GPC3: variants seen among roughly 807,000 people sequenced by gnomAD.
GPC3 encodes the protein glypican-3.
In GPC3, 3 loss-of-function variants were observed where a neutral mutation model predicts 34.4. That is an observed-to-expected ratio of 0.09 (90% CI 0.04 to 0.23). GPC3 has a LOEUF of 0.23. GPC3 is among the 10% of genes least tolerant of loss of function. GPC3 has a pLI of 1.00. For synonymous variants in GPC3, 177 were observed against 174.0 expected (o/e 1.02, Z -0.13); for missense variants, 351 against 445.6 (o/e 0.79, Z 1.91).
At chrX:133,910,847 CTTTG>C (rs1036145465) in intron 2 of GPC3, among the ~76,000 whole-genome samples, 3 of 111,807 alleles carry the variant, frequency 2.7e-5, no homozygotes, top group Admixed American at 9.5e-5. Context: ...AGGCCTAACT[CTTTG>C]TTTGAAGGAC....
intron 2 of GPC3, among the ~76,000 whole-genome samples, chrX:133,857,049 T>C (rs2075905932): frequency 1.1e-5 from 1 of 94,849 alleles, no homozygotes; most frequent in Non-Finnish European, 2.1e-5. Context: ...ATCTACCATG[T>C]AATGTTTCTG....
Position 133,784,886 on chromosome X carries a change from G to A in GPC3, c.338-30710C>T, listed in dbSNP as rs192799948. On this transcript the variant is annotated intron_variant, in intron 2 of 7. Coordinates refer to ENST00000370818, the MANE Select transcript of GPC3 (RefSeq NM_004484.4). ...TCTCCATTTCCTCTCTTTCCTCCCC[G>A]CCGGCCCTAGGCAACCACTACTCTA... is the stretch of plus-strand genomic sequence containing the variant. Among the ~76,000 whole-genome samples, 706 of 111,585 alleles carry A rather than the reference G, an allele frequency of 6.3e-3. 5 individuals carry two copies. Among genetic ancestry groups the A allele is most frequent in the Middle Eastern group, 0.023 (5 of 216 alleles).
intron 3 of GPC3, among the ~76,000 whole-genome samples, chrX:133,702,221 G>C (rs186306774): frequency 8.9e-6 from 1 of 112,000 alleles, no homozygotes; most frequent in East Asian, 2.8e-4. Context: ...AATGAGGGCA[G>C]ACTGTGTATT....
chrX:133,659,919 T>A (rs2070701792), intron 6 of GPC3, among the ~76,000 whole-genome samples: 1 of 111,880 alleles, frequency 8.9e-6, no homozygotes, highest in Admixed American at 9.5e-5. Context: ...GTGTTTTACA[T>A]CGTTTGTGCT....
intron 7 of GPC3, among the ~76,000 whole-genome samples, chrX:133,579,449 ATGT>A (rs1190058533): frequency 4.4e-5 from 5 of 112,998 alleles, no homozygotes; most frequent in African/African-American, 1.6e-4. Context: ...CCTGACCATC[ATGT>A]TGGTAAATGC....
rs183382625 is a variant in GPC3, at chrX:133,552,070, G to A, written c.1574-15777C>T. 2.4e-3 allele frequency among the ~76,000 whole-genome samples: 270 copies of A among 112,785 alleles called. 1 individual carries two copies. The highest frequency in any genetic ancestry group is 3.8e-3 in the Non-Finnish European group (201 of 53,405). On this transcript the variant is annotated intron_variant, in intron 7 of 7. Coordinates refer to ENST00000370818, the MANE Select transcript of GPC3 (RefSeq NM_004484.4). ...GATAAAGAACTTTCTAATAATAAGT[G>A]CAATCTGGAAATTGCATAGGCTGGC...
At chrX:133,965,282 C>A (rs567550167) in intron 1 of GPC3, among the ~76,000 whole-genome samples, 1 of 110,108 alleles carries the variant, frequency 9.1e-6, no homozygotes. Context: ...GGCTAGAGAT[C>A]TTCCTCCAGC....
At chrX:133,954,177 G>A (rs890279000) in intron 1 of GPC3, among the ~76,000 whole-genome samples, 3 of 111,569 alleles carry the variant, frequency 2.7e-5, no homozygotes, top group Non-Finnish European at 5.6e-5. Flanking sequence ...GTGGGCAGGA[G>A]GGGTAGGAGG....
chrX:133,963,715 T>A (rs2076451151), intron 1 of GPC3, among the ~76,000 whole-genome samples: 1 of 112,158 alleles, frequency 8.9e-6, no homozygotes, highest in Admixed American at 9.5e-5. Context: ...GTCATTGGTA[T>A]ACCTTTCTTA....
intron 1 of GPC3, among the ~76,000 whole-genome samples, chrX:133,976,670 C>A (rs911336693): frequency 9.0e-6 from 1 of 110,659 alleles, no homozygotes; most frequent in Non-Finnish European, 1.9e-5. Context: ...GAAATCCCAG[C>A]ACTTTGGGAG....
chrX:133,719,860 A>G lies in GPC3; in HGVS notation c.1033-19832T>C, dbSNP rs144594018. Among the ~76,000 whole-genome samples, 855 of 111,761 alleles carry G rather than the reference A, an allele frequency of 7.7e-3. 6 individuals are homozygous for G. Among genetic ancestry groups the G allele is most frequent in the African/African-American group, 0.026 (800 of 30,687 alleles). On this transcript the variant is annotated intron_variant, in intron 3 of 7. Transcript: ENST00000370818. ...CCAGAATCTACAAGGAACTCGAATC[A>G]GAAAGAAAAAACAAATAGTCCCATC...
At chrX:133,570,138 G>A (rs1408340879) in intron 7 of GPC3, among the ~76,000 whole-genome samples, 2 of 111,119 alleles carry the variant, frequency 1.8e-5, no homozygotes, top group East Asian at 2.9e-4. Flanking sequence ...TGATCCATCC[G>A]CCTTGGCCTC....
intron 2 of GPC3, among the ~76,000 whole-genome samples, chrX:133,846,913 C>A (rs1159414990): frequency 1.8e-5 from 2 of 111,874 alleles, no homozygotes; most frequent in African/African-American, 6.5e-5. Context: ...ATTACCTGAA[C>A]TTCTCCTTAT....
At chrX:133,968,777 T>G (rs964621358) in intron 1 of GPC3, among the ~76,000 whole-genome samples, 2 of 107,126 alleles carry the variant, frequency 1.9e-5, no homozygotes, top group Non-Finnish European at 3.8e-5. Context: ...CCAGATGACC[T>G]CTGTGAATGT....
chrX:133,826,162 C>G (rs1328050892), intron 2 of GPC3, among the ~76,000 whole-genome samples: 2 of 111,612 alleles, frequency 1.8e-5, no homozygotes, highest in East Asian at 5.6e-4. Flanking sequence ...AGCCCATACA[C>G]AGAAGGGAAA....
In GPC3 at chrX:133,893,105, A is replaced by C. The variant is rs1450601682; in HGVS notation, c.337+59945T>G. The stretch of plus-strand genomic sequence containing the variant: ...ACCCTGTCTCTACTAAAAATACCAA[A>C]TATTAGCCAGACGTAGTGGCGGGCA... On this transcript the variant is annotated intron_variant, in intron 2 of 7. Coordinates refer to ENST00000370818, the MANE Select transcript of GPC3 (RefSeq NM_004484.4). Among the ~76,000 whole-genome samples, 41 of 110,960 alleles carry C rather than the reference A, an allele frequency of 3.7e-4. No individual in the cohort carries two copies. In the Admixed American group the frequency reaches 3.9e-3, roughly 11 times the overall value.
At position 133,670,001 on chromosome X, in the gene GPC3, C is replaced by T. The variant is rs187457677; in HGVS notation, c.1293-8151G>A. Among the ~76,000 whole-genome samples the T allele has an allele frequency of 5.7e-3, 637 of 111,314 alleles. 6 individuals are homozygous for T. The highest frequency in any genetic ancestry group is 0.02 in the African/African-American group (601 of 30,605). On this transcript the variant is annotated intron_variant, in intron 5 of 7. Transcript: ENST00000370818. ...GTTGGGGAGAGCAGGGAAAAACCTG[C>T]GCAAAAGCCATAAACAGAAAAGGAA...
chrX:133,627,077 C>T lies in GPC3; in HGVS notation c.1414-30478G>A, dbSNP rs761806927. Among the ~76,000 whole-genome samples the T allele has an allele frequency of 3.9e-5, 4 of 102,672 alleles. No individual in the cohort carries two copies. In the South Asian group the frequency reaches 1.9e-3, roughly 50 times the overall value. The allele number at this position is 102,672 out of a possible 115,157, so 89.2% of individuals were successfully genotyped here. A position where few individuals can be genotyped will look rare whatever the true frequency, so the allele number is the denominator to read the frequency against. The stretch of plus-strand genomic sequence containing the variant: ...ACTATCACAAGGAGAGAAAACCAAA[C>T]ACCACATGTTCTCACTCAAAGGTGG... On this transcript the variant is annotated intron_variant, in intron 6 of 7. Transcript: ENST00000370818.
chrX:133,589,196 G>A lies in GPC3; in HGVS notation c.1573+7244C>T, dbSNP rs969825737. ...TAAACAGCCATTTGCTTTTAGTATTGATGATATTGTTTGGCTGTATCCCCA... is the reference window on the plus strand; with the variant it reads ...TAAACAGCCATTTGCTTTTAGTATTAATGATATTGTTTGGCTGTATCCCCA... On this transcript the variant is annotated intron_variant, in intron 7 of 7. Coordinates refer to ENST00000370818, the MANE Select transcript of GPC3 (RefSeq NM_004484.4). 7.2e-5 allele frequency among the ~76,000 whole-genome samples: 8 copies of A among 111,140 alleles called. No homozygotes were observed. The Admixed American group carries it at 7.7e-4, about 11-fold the overall frequency.
Sources: gnomAD v4.1 joint callset for allele counts (sites outside exome capture counted in the v4.1 genomes callset) on GRCh38, gnomAD v4.1.1 for gene constraint, MANE v1.5 for transcripts, NCBI Gene and HGNC (gene_info 2026-07-23, HGNC 2026-07-21) for gene names.